The following OSBPL10 variants were observed in gnomAD, a reference collection of about 807,000 sequenced individuals.
OSBPL10 encodes the protein oxysterol-binding protein-related protein 10.
OSBPL10 carries 49 observed loss-of-function variants against 81.7 expected under a neutral mutation model. The ratio of observed to expected loss-of-function variants is 0.60; its 90% CI spans 0.48 to 0.76. The LOEUF (loss-of-function observed/expected upper bound fraction) is 0.76, where lower values mean the gene tolerates loss of function less well. Among genes scored for constraint, OSBPL10 ranks in the 30% least tolerant of loss-of-function variants. The probability of loss-of-function intolerance (pLI) is 0.00; values close to 1 mark genes in which losing one functional copy is unlikely to be tolerated. For missense variants in OSBPL10, 923 were observed against 987.8 expected (o/e 0.93, Z 0.88); for synonymous variants, 419 against 383.6 (o/e 1.09, Z -1.08).
At chr3:31,847,184 C>A (rs1435930432) in intron 3 of OSBPL10, among the ~76,000 whole-genome samples, 1 of 150,622 alleles carries the variant, frequency 6.6e-6, no homozygotes, top group African/African-American at 2.4e-5. Context: ...ATCTGCAATT[C>A]TCCCCATTCC....
At chr3:31,684,243 A>T (rs1575474135) in intron 7 of OSBPL10, 129 bp from the exon 8 acceptor site, 2 of 1,238,830 alleles carry the variant, frequency 1.6e-6, no homozygotes, top group Non-Finnish European at 2.2e-6. Context: ...GTCTGTTTTG[A>T]CTTGTGCACA....
At chr3:31,689,464 A>G (rs146178212) in intron 7 of OSBPL10, among the ~76,000 whole-genome samples, 1 of 152,344 alleles carries the variant, frequency 6.6e-6, no homozygotes, top group African/African-American at 2.4e-5. Context: ...AAGGGGTAGG[A>G]AAGAACTGTC....
chr3:31,968,062 G>A (rs1698452415), intron 1 of OSBPL10, among the ~76,000 whole-genome samples: 2 of 152,156 alleles, frequency 1.3e-5, no homozygotes, highest in South Asian at 4.1e-4. Context: ...TACTATTAAA[G>A]AACTATTAAC....
chr3:31,834,537 G>C (rs1362495662), intron 3 of OSBPL10, among the ~76,000 whole-genome samples: 1 of 151,898 alleles, frequency 6.6e-6, no homozygotes, highest in African/African-American at 2.4e-5. Context: ...AATCACACAG[G>C]CCTCTTGGTC....
intron 11 of OSBPL10, chr3:31,662,663 T>C: frequency 6.1e-6 from 6 of 985,744 alleles, no homozygotes; most frequent in Non-Finnish European, 6.0e-6. Context: ...ACTGAATAAC[T>C]GTGCTGGTGT....
chr3:31,777,638 G>A (rs780954768), intron 4 of OSBPL10, among the ~76,000 whole-genome samples: 9 of 152,128 alleles, frequency 5.9e-5, no homozygotes, highest in South Asian at 2.1e-4. Context: ...TTTGAAAAAC[G>A]TGGCCACTCT....
At chr3:31,912,466 G>A (rs901989307) in intron 1 of OSBPL10, among the ~76,000 whole-genome samples, 2 of 152,002 alleles carry the variant, frequency 1.3e-5, no homozygotes, top group Non-Finnish European at 2.9e-5. Flanking sequence ...TAAAGTTGAG[G>A]AAGTACTGGT....
At chr3:32,066,161 A>AAAGGAAGGAAGGAAGGAAGG (rs58902796) in intron 1 of OSBPL10, among the ~76,000 whole-genome samples, 9 of 53,430 alleles carry the variant, frequency 1.7e-4, no homozygotes, top group African/African-American at 4.2e-4. Flanking sequence ...AGAAAGGAAG[A>AAAGGAAGGAAGGAAGGAAGG]AAGGAAGGAA....
chr3:32,059,754 T>TA (rs1699741335), intron 1 of OSBPL10, among the ~76,000 whole-genome samples: 1 of 148,048 alleles, frequency 6.8e-6, no homozygotes, highest in Non-Finnish European at 1.5e-5. Context: ...CCCATCTCTA[T>TA]AAAAAAAATT....
chr3:31,692,194 C>T (rs1021740193), intron 7 of OSBPL10, among the ~76,000 whole-genome samples: 2 of 152,168 alleles, frequency 1.3e-5, no homozygotes, highest in African/African-American at 4.8e-5. Context: ...GGGAGCAGAA[C>T]GTCATCCCTT....
chr3:31,671,009 A>G (rs1430794844), intron 8 of OSBPL10, 26 bp from the exon 9 acceptor site: 2 of 1,580,594 alleles, frequency 1.3e-6, no homozygotes, highest in Admixed American at 1.8e-5. Context: ...AGGGAGAGTT[A>G]GGCATGCAAA....
At chr3:31,695,340 T>G (rs1695682590) in intron 7 of OSBPL10, among the ~76,000 whole-genome samples, 1 of 152,138 alleles carries the variant, frequency 6.6e-6, no homozygotes, top group African/African-American at 2.4e-5. Context: ...CTGCCACCCA[T>G]AATCTCAAGT....
chr3:31,885,509 T>C (rs1214084199), intron 1 of OSBPL10, among the ~76,000 whole-genome samples: 1 of 152,154 alleles, frequency 6.6e-6, no homozygotes, highest in Non-Finnish European at 1.5e-5. Context: ...ACATCATCTG[T>C]CTGCACAGGT....
intron 4 of OSBPL10, among the ~76,000 whole-genome samples, chr3:31,766,274 T>C (rs979441447): frequency 4.6e-5 from 7 of 150,848 alleles, no homozygotes; most frequent in African/African-American, 1.5e-4. Context: ...CACTTCAACA[T>C]AGGGTCTTCC....
chr3:31,892,334 G>A (rs988804204), intron 1 of OSBPL10, among the ~76,000 whole-genome samples: 4 of 152,212 alleles, frequency 2.6e-5, no homozygotes, highest in African/African-American at 7.2e-5. Flanking sequence ...CCTACAAGGC[G>A]TGGCGGGACT....
intron 2 of OSBPL10, among the ~76,000 whole-genome samples, chr3:31,987,612 G>A (rs1449818778): frequency 6.6e-6 from 1 of 152,146 alleles, no homozygotes. Flanking sequence ...TGTTTGAGCT[G>A]GGCTCTCTAA....
chr3:31,867,424 A>T (rs574548231), intron 3 of OSBPL10, among the ~76,000 whole-genome samples: 2 of 152,136 alleles, frequency 1.3e-5, no homozygotes, highest in African/African-American at 4.8e-5. Flanking sequence ...TTATTTTCTC[A>T]ATTTCCCACT....
intron 3 of OSBPL10, among the ~76,000 whole-genome samples, chr3:31,841,415 G>A (rs1700495043): frequency 6.6e-6 from 1 of 152,192 alleles, no homozygotes; most frequent in African/African-American, 2.4e-5. Context: ...ATTCAAGACA[G>A]GGGATCTTTA....
Position 31,883,776 on chromosome 3 carries a change from G to A in OSBPL10, c.282-3946C>T, listed in dbSNP as rs1167687819. ...TGACTTCAGGTGATCCACCCGCCTC[G>A]GCCTCCCCACGTGCTGGAATTACAG... On this transcript the variant is annotated intron_variant, in intron 1 of 11. Transcript: ENST00000396556. Among the ~76,000 whole-genome samples the A allele has an allele frequency of 4.6e-5, 7 of 151,788 alleles. No individual in the cohort carries two copies. The South Asian group carries it at 8.4e-4, about 18-fold the overall frequency.
Sources: allele counts gnomAD v4.1 joint callset (sites outside exome capture counted in the v4.1 genomes callset), GRCh38; gene constraint gnomAD v4.1.1; transcripts MANE v1.5; gene names NCBI Gene and HGNC (gene_info 2026-07-23, HGNC 2026-07-21).